PANK2: variants seen among roughly 807,000 people sequenced by gnomAD.
PANK2 encodes pantothenate kinase 2.
Under a neutral mutation model 43.1 loss-of-function variants are expected in PANK2, and 36 were observed. That is an observed-to-expected ratio of 0.84 (90% CI 0.64 to 1.10). The LOEUF is 1.10. Among genes scored for constraint, PANK2 ranks in the 50% least tolerant of loss-of-function variants. PANK2 has a pLI of 0.00. For synonymous variants in PANK2, 281 were observed against 238.2 expected, an observed-to-expected ratio of 1.18 and a Z score of -1.66; for missense variants, 576 against 593.3, an observed-to-expected ratio of 0.97 and a Z score of 0.30.
intron 3 of PANK2, among the ~76,000 whole-genome samples, chr20:3,911,594 GAA>G (rs1175510720): frequency 1.8e-3 from 247 of 135,440 alleles, no homozygotes; most frequent in Middle Eastern, 8.3e-3. Context: ...AAAAAAAAAA[GAA>G]AAGAGAGTAT....
intron 1 of PANK2, 42 bp downstream of exon 1, chr20:3,889,770 C>CCCA: frequency 6.4e-7 from 1 of 1,574,662 alleles, no homozygotes; most frequent in Non-Finnish European, 8.6e-7. Context: ...GCCCTGCCCC[C>CCCA]CCTTCCGGCC....
intron 4 of PANK2, 138 bp downstream of exon 4, chr20:3,912,772 T>G: frequency 1.1e-6 from 1 of 888,656 alleles, no homozygotes; most frequent in Non-Finnish European, 1.7e-6. Context: ...CAACATAGTG[T>G]AACCCTGTCT....
At chr20:3,897,838 C>T (rs1045939185) in intron 1 of PANK2, among the ~76,000 whole-genome samples, 1 of 151,944 alleles carries the variant, frequency 6.6e-6, no homozygotes, top group Non-Finnish European at 1.5e-5. Context: ...GAAACTGTCT[C>T]TACTAAAAAT....
chr20:3,907,553 G>A (rs1170581766), intron 1 of PANK2, among the ~76,000 whole-genome samples: 1 of 152,168 alleles, frequency 6.6e-6, no homozygotes, highest in Admixed American at 6.5e-5. Context: ...GAACTCTGAA[G>A]TCTCAATGTT....
Position 3,903,130 on chromosome 20 carries a change from T to A in PANK2, c.299-4796T>A, listed in dbSNP as rs1370076181. 2.9e-4 allele frequency among the ~76,000 whole-genome samples: 42 copies of A among 144,946 alleles called. No homozygotes were observed. In the Admixed American group the frequency reaches 3.1e-3, roughly 11 times the overall value. Reference sequence around the variant, plus strand: ...GCTTGCTTTCAGATGTAAAAATGATTAGCTTGCCTTTTTTTTTTTTTTCCC... The same window carrying A: ...GCTTGCTTTCAGATGTAAAAATGATAAGCTTGCCTTTTTTTTTTTTTTCCC... On this transcript the variant is annotated intron_variant, in intron 1 of 6. Coordinates refer to ENST00000610179, the MANE Select transcript of PANK2 (RefSeq NM_001386393.1).
chr20:3,914,010 C>T (rs6116097), intron 4 of PANK2, among the ~76,000 whole-genome samples: 64,815 of 151,346 alleles, frequency 0.43, 16,319 homozygotes, highest in African/African-American at 0.7. Flanking sequence ...AGGATGGTCT[C>T]GATCTGCTGA....
At position 3,889,436 on chromosome 20, in the gene PANK2, G is replaced by T; in HGVS notation, c.6G>T (p.Gly2=). 1 of 1,557,338 alleles carries T rather than the reference G, an allele frequency of 6.4e-7. No individual in the cohort carries two copies. The highest frequency in any genetic ancestry group is 1.2e-5 in the South Asian group (1 of 85,906). ...AGGCGAGAAGGAATCCGACGCTGGG[G>T]GGCTTGCTCGGGCGGCAGCGACTGC... Residue 2 remains glycine, a synonymous_variant, in exon 1 of 7, where the codon GGG becomes GGT. Coordinates refer to ENST00000610179, the MANE Select transcript of PANK2 (RefSeq NM_001386393.1).
intron 1 of PANK2, among the ~76,000 whole-genome samples, chr20:3,895,302 T>C (rs1295269552): frequency 6.6e-6 from 1 of 151,288 alleles, no homozygotes; most frequent in Non-Finnish European, 1.5e-5. Flanking sequence ...AATAAATAAA[T>C]AATAATAAAC....
intron 5 of PANK2, 86 bp downstream of exon 5, chr20:3,917,136 G>T: frequency 1.9e-6 from 3 of 1,548,662 alleles, no homozygotes; most frequent in Non-Finnish European, 2.7e-6. Context: ...TCAGAACAGT[G>T]CCTAAATGTA....
chr20:3,914,338 CAG>C (rs1455706192), intron 4 of PANK2, among the ~76,000 whole-genome samples: 1 of 152,000 alleles, frequency 6.6e-6, no homozygotes, highest in Non-Finnish European at 1.5e-5. Context: ...TTTTAAGAGG[CAG>C]GGTCTCGCCC....
chr20:3,913,517 A>G (rs2090502815), intron 4 of PANK2, among the ~76,000 whole-genome samples: 1 of 151,444 alleles, frequency 6.6e-6, no homozygotes, highest in East Asian at 2.0e-4. Flanking sequence ...CTAATTTTGT[A>G]TTTTTTAGTA....
At chr20:3,898,125 T>C (rs902162437) in intron 1 of PANK2, among the ~76,000 whole-genome samples, 1 of 152,236 alleles carries the variant, frequency 6.6e-6, no homozygotes, top group Non-Finnish European at 1.5e-5. Flanking sequence ...GTAAAAGCCA[T>C]TGCTGCATTA....
At chr20:3,918,909 G>GT (rs1322912782) in intron 6 of PANK2, 113 bp downstream of exon 6, 46 of 1,569,840 alleles carry the variant, frequency 2.9e-5, no homozygotes, top group Non-Finnish European at 3.9e-5. Flanking sequence ...TGTTTCTTTT[G>GT]TTTTTTGTTT....
chr20:3,916,288 A>AAT (rs1377975514), intron 4 of PANK2, among the ~76,000 whole-genome samples: 3 of 152,208 alleles, frequency 2.0e-5, no homozygotes, highest in African/African-American at 7.2e-5. Flanking sequence ...GGCTTTTACT[A>AAT]ATAGAAAAAT....
intron 2 of PANK2, 144 bp from the exon 3 acceptor site, chr20:3,910,433 C>A: frequency 2.3e-6 from 2 of 876,924 alleles, no homozygotes; most frequent in Non-Finnish European, 3.6e-6. Flanking sequence ...GCTCCTAAAT[C>A]TGTTCTGTAA....
upstream of PANK2, chr20:3,889,129 G>A (rs1473379200): frequency 3.2e-6 from 5 of 1,556,564 alleles, no homozygotes; most frequent in Non-Finnish European, 4.3e-6. Flanking sequence ...TTCCACCCAC[G>A]CGTCCATTGG....
intron 1 of PANK2, among the ~76,000 whole-genome samples, chr20:3,898,304 A>G (rs2090243683): frequency 1.3e-5 from 2 of 151,996 alleles, no homozygotes; most frequent in African/African-American, 2.4e-5. Context: ...GGTTCAAGCA[A>G]TTCTCCTGCC....
intron 1 of PANK2, chr20:3,890,036 T>A: frequency 1.1e-6 from 1 of 924,734 alleles, no homozygotes; most frequent in African/African-American, 1.7e-5. Context: ...CATGATTTTA[T>A]CCTCGAGAAG....
intron 1 of PANK2, among the ~76,000 whole-genome samples, chr20:3,890,874 G>T (rs1347606995): frequency 6.6e-6 from 1 of 152,122 alleles, no homozygotes; most frequent in Non-Finnish European, 1.5e-5. Flanking sequence ...CTTAACCTGT[G>T]CCATTTTCAG....
Sources: allele counts gnomAD v4.1 joint callset (sites outside exome capture counted in the v4.1 genomes callset), GRCh38; gene constraint gnomAD v4.1.1; transcripts MANE v1.5; gene names NCBI Gene and HGNC (gene_info 2026-07-23, HGNC 2026-07-21).